Variants in CENPF observed in about 807,000 individuals in gnomAD.
CENPF encodes centromere protein F, also known as AH antigen.
CENPF carries 214 observed loss-of-function variants against 307.3 expected under a neutral mutation model. That is an observed-to-expected ratio of 0.70 (90% CI 0.62 to 0.78). CENPF has a LOEUF of 0.78. Ranked by LOEUF, CENPF falls within the 30% of genes least tolerant of loss-of-function variation. CENPF has a pLI of 0.00. For synonymous variants in CENPF, 1,259 were observed against 1,270.6 expected (o/e 0.99, Z 0.19); for missense variants, 3,401 against 3,483.9 (o/e 0.98, Z 0.60).
rs190487779 is a variant in CENPF, at chr1:214,624,823, G to A, written c.1068+2542G>A. ...GTTGGTTGATGATGTTGTTGAGTTT[G>A]TTAATATACTTGCTGATTTTCTGTT... On this transcript the variant is annotated intron_variant, in intron 7 of 19. Transcript: ENST00000366955. Among the ~76,000 whole-genome samples, 24 of 152,114 alleles carry A rather than the reference G, an allele frequency of 1.6e-4. No individual in the cohort carries two copies. The East Asian group carries it at 3.9e-3, about 24-fold the overall frequency.
chr1:214,622,682 C>G (rs1196333304), intron 7 of CENPF, among the ~76,000 whole-genome samples: 1 of 151,402 alleles, frequency 6.6e-6, no homozygotes, highest in African/African-American at 2.4e-5. Flanking sequence ...GTCCATTGTA[C>G]CCATGAGTTC....
At chr1:214,609,580 A>AT (rs1462405226) in intron 1 of CENPF, among the ~76,000 whole-genome samples, 1 of 151,980 alleles carries the variant, frequency 6.6e-6, no homozygotes, top group Non-Finnish European at 1.5e-5. Flanking sequence ...GCAAAATATT[A>AT]TTTTTTTCTT....
chr1:214,614,886 A>T lies in CENPF; in HGVS notation c.217A>T (p.Met73Leu), dbSNP rs375887256. The T allele has an allele frequency of 6.2e-7, 1 of 1,608,668 alleles. No individual in the cohort carries two copies. The highest frequency in any genetic ancestry group is 1.3e-5 in the African/African-American group (1 of 74,676). ...TNLKRENQRL[M>L]EICESLEKTK... ...CCTGAAAAGGGAGAATCAAAGATTG[A>T]TGGAAATATGTGAAAGTCTGGAGAA... is the stretch of plus-strand genomic sequence containing the variant. Residue 73 changes from methionine (M) to leucine (L), a missense_variant, in exon 3 of 20, where the codon ATG (methionine) becomes TTG (leucine). By Grantham distance (15) the Met-to-Leu change is conservative (BLOSUM62 2). Coordinates refer to ENST00000366955, the MANE Select transcript of CENPF (RefSeq NM_016343.4).
intron 7 of CENPF, among the ~76,000 whole-genome samples, chr1:214,628,474 G>A (rs1172587809): frequency 6.6e-6 from 1 of 151,618 alleles, no homozygotes; most frequent in Non-Finnish European, 1.5e-5. Flanking sequence ...ACAGAATCTC[G>A]CTCTAATTGC....
At chr1:214,658,031 C>T (rs1658687643) in intron 18 of CENPF, among the ~76,000 whole-genome samples, 2 of 152,184 alleles carry the variant, frequency 1.3e-5, no homozygotes, top group Non-Finnish European at 2.9e-5. Context: ...AATATTATTC[C>T]ACAGCACATT....
Position 214,652,870 on chromosome 1 carries a change from A to G in CENPF, c.8203A>G (p.Lys2735Glu). The G allele has an allele frequency of 1.9e-6, 3 of 1,604,296 alleles. No individual in the cohort carries two copies. Among genetic ancestry groups the G allele is most frequent in the Non-Finnish European group, 2.5e-6 (3 of 1,177,338 alleles). Residue 2735 changes from lysine (K) to glutamate (E), a missense_variant, in exon 16 of 20, where the codon AAA (lysine) becomes GAA (glutamate). By Grantham distance (56) the Lys-to-Glu change is moderately conservative. Coordinates refer to ENST00000366955, the MANE Select transcript of CENPF (RefSeq NM_016343.4). ...IQTYREKLTSKEECLSSQKLE... is the reference protein window; with the variant it reads ...IQTYREKLTSEEECLSSQKLE... ...GACATACCGAGAGAAATTGACTTCT[A>G]AAGAAGAATGTCTCAGTTCACAGAA... is the stretch of plus-strand genomic sequence containing the variant.
chr1:214,605,618 G>A (rs1198694020), intron 1 of CENPF: 48 of 1,426,970 alleles, frequency 3.4e-5, no homozygotes, highest in Non-Finnish European at 4.5e-5. Context: ...GGGGGCCGGC[G>A]CGGGGTGAGG....
In CENPF at chr1:214,657,285, A is replaced by G. The variant is rs764039891; in HGVS notation, c.8838A>G (p.Thr2946=). The part of the protein sequence containing the change: ...SGIWENGRGP[T]PATPESFSKK... ...TATGGGAGAATGGTAGAGGACCAAC[A>G]CCTGCTACCCCAGAGAGCTTTTCTA... is the stretch of plus-strand genomic sequence containing the variant. Residue 2946 remains threonine, a synonymous_variant, in exon 18 of 20, where the codon ACA becomes ACG. Transcript: ENST00000366955. 1 of 1,614,144 alleles carries G rather than the reference A, an allele frequency of 6.2e-7. No individual in the cohort carries two copies. Among genetic ancestry groups the G allele is most frequent in the Non-Finnish European group, 8.5e-7 (1 of 1,180,000 alleles).
chr1:214,642,849 G>C lies in CENPF; in HGVS notation c.4511G>C (p.Gly1504Ala), dbSNP rs767221205. ...TACAGAGCTCTTTTAGAACAGACAG[G>C]AGATATGTCTCTTTTGAGTAATTTA... ...SFYRALLEQT[G>A]DMSLLSNLEG... The change falls in exon 12 of 20, where the codon GGA (glycine) becomes GCA (alanine). Residue 1504 changes from glycine to alanine, a missense_variant. By Grantham distance (60) the Gly-to-Ala change is moderately conservative. Transcript: ENST00000366955. 6.2e-7 allele frequency: 1 copy of C among 1,614,078 alleles called. No homozygotes were observed. Among genetic ancestry groups the C allele is most frequent in the East Asian group, 2.2e-5 (1 of 44,868 alleles).
At chr1:214,628,436 TTTTTGTTTTG>T (rs921893557) in intron 7 of CENPF, among the ~76,000 whole-genome samples, 10 of 152,070 alleles carry the variant, frequency 6.6e-5, no homozygotes, top group Non-Finnish European at 1.2e-4. Flanking sequence ...GAGCAGTGAC[TTTTTGTTTTG>T]TTTTGTTTTG....
At chr1:214,619,899 C>G (rs1007592513) in intron 5 of CENPF, among the ~76,000 whole-genome samples, 3 of 152,162 alleles carry the variant, frequency 2.0e-5, no homozygotes, top group Non-Finnish European at 4.4e-5. Flanking sequence ...AAATTAAGTA[C>G]TCATTCTCTA....
chr1:214,646,938 C>T lies in CENPF; in HGVS notation c.7368C>T (p.Ala2456=), dbSNP rs1373318407. The T allele has an allele frequency of 2.5e-6, 4 of 1,613,920 alleles. No individual in the cohort carries two copies. In the Admixed American group the frequency reaches 5.0e-5, roughly 20 times the overall value. Residue 2456 remains alanine, a synonymous_variant, in exon 13 of 20, where the codon GCC becomes GCT. Transcript: ENST00000366955. ...AAGAGCTCAATGAGAGAGTGGCAGC[C>T]CTGCATAATGACCAAGAAGCCTGTA... ...QLKELNERVA[A]LHNDQEACKA...
In CENPF at chr1:214,641,981, G is replaced by C. The variant is rs759278942; in HGVS notation, c.3643G>C (p.Ala1215Pro). 1 of 1,607,148 alleles carries C rather than the reference G, an allele frequency of 6.2e-7. No homozygotes were observed. The highest frequency in any genetic ancestry group is 8.5e-7 in the Non-Finnish European group (1 of 1,178,302). Residue 1215 changes from alanine to proline, a missense_variant, in exon 12 of 20, where the codon GCT becomes CCT. By Grantham distance (27) the Ala-to-Pro change is conservative. Transcript: ENST00000366955. ...SYNAQLVQLE[A>P]MLRNKELKLQ... ...TAATGCGCAGTTGGTGCAATTAGAA[G>C]CTATGCTAAGAAATAAGGAATTAAA... is the stretch of plus-strand genomic sequence containing the variant.
At position 214,610,508 on chromosome 1, in the gene CENPF, A is replaced by G. The variant is rs562878032; in HGVS notation, c.-41-3206A>G. On this transcript the variant is annotated intron_variant, in intron 1 of 19. Coordinates refer to ENST00000366955, the MANE Select transcript of CENPF (RefSeq NM_016343.4). ...TTTTTTTTTTTTTAGAAAAGTGTTC[A>G]TGTCCTTTGCCTACTTTTTAATGGG... 2.1e-5 allele frequency among the ~76,000 whole-genome samples: 3 copies of G among 145,922 alleles called. No homozygotes were observed. The South Asian group carries it at 6.5e-4, about 32-fold the overall frequency.
intron 1 of CENPF, among the ~76,000 whole-genome samples, chr1:214,609,127 G>A (rs2102525655): frequency 6.6e-6 from 1 of 151,910 alleles, no homozygotes; most frequent in East Asian, 1.9e-4. Context: ...CATGGCGCCT[G>A]GCCGCCTGCC....
intron 14 of CENPF, among the ~76,000 whole-genome samples, chr1:214,651,419 T>A (rs555926117): frequency 6.6e-6 from 1 of 152,260 alleles, no homozygotes; most frequent in East Asian, 1.9e-4. Flanking sequence ...GTTGGAAGCA[T>A]AGGAAGGTGT....
chr1:214,641,422 A>C lies in CENPF; in HGVS notation c.3084A>C (p.Arg1028Ser). 2 of 1,570,226 alleles carry C rather than the reference A, an allele frequency of 1.3e-6. No individual in the cohort carries two copies. Among genetic ancestry groups the C allele is most frequent in the African/African-American group, 2.8e-5 (2 of 72,464 alleles). ...YKQEKLILLQ[R>S]CEETGNAYED... ...AAGAAAAACTTATTTTACTACAAAG[A>C]TGTGAAGAAACCGGAAATGCATATG... Residue 1028 changes from arginine to serine, a missense_variant, in exon 12 of 20, where the codon AGA becomes AGC. Physicochemically the swap from Arg to Ser is moderately radical, Grantham distance 110. Transcript: ENST00000366955.
rs3790648 is a variant in CENPF at position 214,647,151 on chromosome 1, G to A, written c.7581G>A (p.Leu2527=). 102,196 of 1,613,690 alleles carry A rather than the reference G, an allele frequency of 0.063. 4,226 individuals are homozygous for A. The highest frequency in any genetic ancestry group is 0.15 in the South Asian group (13,433 of 91,030). ...LEKKDEEISR[L]KNQIQDQEQL... ...AGAAGGATGAAGAAATCAGTAGACT[G>A]AAAAATCAAATTCAAGACCAAGAGC... Residue 2527 remains leucine (L), a synonymous_variant, in exon 13 of 20, where the codon CTG becomes CTA. Transcript: ENST00000366955.
chr1:214,657,487 G>A (rs138828644), intron 18 of CENPF, 78 bp downstream of exon 18: 8 of 1,113,486 alleles, frequency 7.2e-6, no homozygotes, highest in South Asian at 1.5e-5. Flanking sequence ...AAAGACAAAA[G>A]TATTTGCTTT....
Sources: gnomAD v4.1 joint callset for allele counts (sites outside exome capture counted in the v4.1 genomes callset) on GRCh38, gnomAD v4.1.1 for gene constraint, MANE v1.5 for transcripts, NCBI Gene and HGNC (gene_info 2026-07-23, HGNC 2026-07-21) for gene names.